The following CFAP299 variants were observed in gnomAD, a reference collection of about 807,000 sequenced individuals.
CFAP299 encodes the protein cilia- and flagella-associated protein 299.
Under a neutral mutation model 27.0 loss-of-function variants are expected in CFAP299, and 21 were observed. The ratio of observed to expected loss-of-function variants is 0.78; its 90% CI spans 0.55 to 1.12. CFAP299 has a LOEUF of 1.12. Among genes scored for constraint, CFAP299 ranks in the 50% most tolerant of loss-of-function variants. The pLI is 0.00. For missense variants in CFAP299, 310 were observed against 276.6 expected, an observed-to-expected ratio of 1.12 and a Z score of -0.86; for synonymous variants, 104 against 98.1, an observed-to-expected ratio of 1.06 and a Z score of -0.36.
At chr4:80,852,594 C>T (rs1210012581) in intron 3 of CFAP299, among the ~76,000 whole-genome samples, 1 of 152,148 alleles carries the variant, frequency 6.6e-6, no homozygotes, top group Non-Finnish European at 1.5e-5. Flanking sequence ...TATTAATTTA[C>T]GTGATTCCTT....
At chr4:80,694,121 A>G (rs1720937581) in intron 3 of CFAP299, among the ~76,000 whole-genome samples, 2 of 152,156 alleles carry the variant, frequency 1.3e-5, no homozygotes, top group African/African-American at 4.8e-5. Flanking sequence ...ACAACAGTTG[A>G]TTTCTGAAAG....
At chr4:80,627,322 A>G (rs1307526775) in intron 3 of CFAP299, among the ~76,000 whole-genome samples, 1 of 151,962 alleles carries the variant, frequency 6.6e-6, no homozygotes, top group Non-Finnish European at 1.5e-5. Flanking sequence ...CTCTAAATAA[A>G]TTAGGTATAG....
chr4:80,645,991 A>C (rs1158841734), intron 3 of CFAP299, among the ~76,000 whole-genome samples: 2 of 152,344 alleles, frequency 1.3e-5, no homozygotes, highest in South Asian at 2.1e-4. Flanking sequence ...GACATTTAGC[A>C]TAATCTTGAA....
chr4:80,891,708 A>G lies in CFAP299; in HGVS notation c.476+21573A>G, dbSNP rs577337254. Among the ~76,000 whole-genome samples, 97 of 120,698 alleles carry G rather than the reference A, an allele frequency of 8.0e-4. 1 individual carries two copies. The highest frequency in any genetic ancestry group is 2.9e-3 in the African/African-American group (90 of 30,810). 79.2% of individuals were successfully genotyped at this position (120,698 alleles called of 152,430 possible). On this transcript the variant is annotated intron_variant, in intron 4 of 5. Transcript: ENST00000358105. ...TGCAGCGCACCAGCATGGCACATGT[A>G]TACATATGTAACTAACCTGCACAAT...
chr4:80,737,003 G>T (rs1723934735), intron 3 of CFAP299, among the ~76,000 whole-genome samples: 1 of 152,092 alleles, frequency 6.6e-6, no homozygotes, highest in Non-Finnish European at 1.5e-5. Flanking sequence ...ATGAGTTCAT[G>T]TCCTTTGTAG....
intron 4 of CFAP299, among the ~76,000 whole-genome samples, chr4:80,944,256 A>G (rs981617974): frequency 2.0e-5 from 3 of 151,974 alleles, no homozygotes; most frequent in African/African-American, 4.8e-5. Flanking sequence ...TGCTTTGTCC[A>G]TAAAATGAGA....
chr4:80,716,539 T>G (rs1224270227), intron 3 of CFAP299, among the ~76,000 whole-genome samples: 1 of 152,018 alleles, frequency 6.6e-6, no homozygotes, highest in African/African-American at 2.4e-5. Flanking sequence ...ACTCCCAATG[T>G]GCAAGCTTAC....
chr4:80,841,247 G>T, intron 3 of CFAP299, among the ~76,000 whole-genome samples: 1 of 152,198 alleles, frequency 6.6e-6, no homozygotes, highest in East Asian at 1.9e-4. Context: ...CTTAATTGAA[G>T]ACCTAGCTAT....
intron 3 of CFAP299, among the ~76,000 whole-genome samples, chr4:80,631,022 C>A (rs1739178423): frequency 6.6e-6 from 1 of 151,938 alleles, no homozygotes; most frequent in African/African-American, 2.4e-5. Flanking sequence ...AATTGCAGGG[C>A]TATGCATAAA....
intron 3 of CFAP299, among the ~76,000 whole-genome samples, chr4:80,723,729 T>C (rs1722979994): frequency 6.6e-6 from 1 of 152,010 alleles, no homozygotes; most frequent in South Asian, 2.1e-4. Flanking sequence ...TTATTGTATG[T>C]CAATTATACC....
chr4:80,516,018 T>C (rs1732567921), intron 2 of CFAP299, among the ~76,000 whole-genome samples: 1 of 81,002 alleles, frequency 1.2e-5, no homozygotes, highest in Admixed American at 1.0e-4. Context: ...TCTGCATTTC[T>C]TTTTTTTTTT....
At chr4:80,361,765 T>C (rs1366065064) in intron 1 of CFAP299, among the ~76,000 whole-genome samples, 1 of 152,218 alleles carries the variant, frequency 6.6e-6, no homozygotes, top group African/African-American at 2.4e-5. Flanking sequence ...CTTACAACTT[T>C]AACCACTATG....
intron 2 of CFAP299, among the ~76,000 whole-genome samples, chr4:80,575,988 G>A (rs576116999): frequency 4.6e-5 from 7 of 151,538 alleles, no homozygotes; most frequent in African/African-American, 1.7e-4. Context: ...CTGAACAATG[G>A]AACACTTGGA....
intron 2 of CFAP299, chr4:80,386,506 C>T (rs1725004799): frequency 7.0e-6 from 10 of 1,429,720 alleles, no homozygotes; most frequent in East Asian, 2.6e-5. Flanking sequence ...TTCTCGCGGG[C>T]GGTGGTGGGG....
chr4:80,502,451 A>C (rs1731791936), intron 2 of CFAP299, among the ~76,000 whole-genome samples: 2 of 152,104 alleles, frequency 1.3e-5, no homozygotes, highest in African/African-American at 4.8e-5. Context: ...TCCTTTACTC[A>C]GGTGGTTCTT....
At chr4:80,760,005 A>C (rs1265398886) in intron 3 of CFAP299, among the ~76,000 whole-genome samples, 1 of 152,040 alleles carries the variant, frequency 6.6e-6, no homozygotes, top group Non-Finnish European at 1.5e-5. Flanking sequence ...AAATGTATCC[A>C]GGGCCAGAGA....
chr4:80,678,686 C>T (rs1339224697), intron 3 of CFAP299, among the ~76,000 whole-genome samples: 1 of 152,048 alleles, frequency 6.6e-6, no homozygotes, highest in African/African-American at 2.4e-5. Flanking sequence ...GTATCATCCT[C>T]TTTAATCTCT....
chr4:80,684,458 G>T (rs1001771993), intron 3 of CFAP299, among the ~76,000 whole-genome samples: 2 of 152,040 alleles, frequency 1.3e-5, no homozygotes, highest in African/African-American at 4.8e-5. Context: ...GTAGAGACGG[G>T]GTTTCACCGC....
At chr4:80,517,140 T>G (rs2110170185) in intron 2 of CFAP299, among the ~76,000 whole-genome samples, 1 of 152,308 alleles carries the variant, frequency 6.6e-6, no homozygotes, top group Middle Eastern at 3.4e-3. Context: ...AAATGTCTAG[T>G]TTCACAGTTT....
Sources: gnomAD v4.1 joint callset for allele counts (sites outside exome capture counted in the v4.1 genomes callset) on GRCh38, gnomAD v4.1.1 for gene constraint, MANE v1.5 for transcripts, NCBI Gene and HGNC (gene_info 2026-07-23, HGNC 2026-07-21) for gene names.